Variants in RANGAP1 observed in about 807,000 individuals in gnomAD.
RANGAP1 encodes Ran GTPase activating protein 1, also known as ran GTPase-activating protein 1.
RANGAP1 carries 38 observed loss-of-function variants against 63.5 expected under a neutral mutation model. That is an observed-to-expected ratio of 0.60 (90% CI 0.46 to 0.78). The LOEUF (loss-of-function observed/expected upper bound fraction) is 0.78, where lower values mean the gene tolerates loss of function less well. Ranked by LOEUF, RANGAP1 falls within the 30% of genes least tolerant of loss-of-function variation. RANGAP1 has a pLI of 0.00. For synonymous variants in RANGAP1, 329 were observed against 310.5 expected, an observed-to-expected ratio of 1.06 and a Z score of -0.63; for missense variants, 630 against 740.3, an observed-to-expected ratio of 0.85 and a Z score of 1.73.
intron 15 of RANGAP1, 35 bp from the exon 16 acceptor site, chr22:41,246,707 G>A: frequency 1.3e-6 from 2 of 1,498,694 alleles, no homozygotes; most frequent in Non-Finnish European, 1.8e-6. Flanking sequence ...GTCGGTGGAT[G>A]CCTCTTGGCC....
At chr22:41,281,420 C>T in intron 1 of RANGAP1, 1 of 1,010,528 alleles carries the variant, frequency 9.9e-7, no homozygotes, top group South Asian at 4.1e-5. Flanking sequence ...AGTCAAGTCC[C>T]AAACCAAAGG....
In RANGAP1 at chr22:41,272,012, C is replaced by A. The variant is rs146377294; in HGVS notation, c.240+2588G>T. Among the ~76,000 whole-genome samples, 8 of 152,230 alleles carry A rather than the reference C, an allele frequency of 5.3e-5. No homozygotes were observed. In the South Asian group the frequency reaches 1.7e-3, roughly 31 times the overall value. On this transcript the variant is annotated intron_variant, in intron 3 of 15. Transcript: ENST00000356244. ...GCATGCAGCACTCCTACCGGCCAGG[C>A]TCTCCCAGGACAACCTCTGAGGAAG...
At position 41,257,911 on chromosome 22, in the gene RANGAP1, TG is replaced by T; in HGVS notation, c.774+36del. 1 of 1,561,314 alleles carries T rather than the reference TG, an allele frequency of 6.4e-7. No individual in the cohort carries two copies. The highest frequency in any genetic ancestry group is 8.7e-7 in the Non-Finnish European group (1 of 1,148,480). ...GGAAAGACAGCAGCCAGCCTCTATC[TG>T]GCGGGGCCCAACTGGCTCTGCCACA... On this transcript the variant is annotated intron_variant, in intron 7 of 15. Coordinates refer to ENST00000356244, the MANE Select transcript of RANGAP1 (RefSeq NM_002883.4). The surrounding 1 kb of genome is among the most constrained non-coding windows in gnomAD (Gnocchi z 4.0).
At chr22:41,278,314 C>A (rs2035280272) in intron 2 of RANGAP1, among the ~76,000 whole-genome samples, 1 of 152,204 alleles carries the variant, frequency 6.6e-6, no homozygotes, top group South Asian at 2.1e-4. Context: ...GCTGGGATTA[C>A]AGGCGTGAGC....
chr22:41,273,698 T>C (rs2034964560), intron 3 of RANGAP1, among the ~76,000 whole-genome samples: 1 of 122,968 alleles, frequency 8.1e-6, no homozygotes, highest in Non-Finnish European at 1.6e-5. Flanking sequence ...ACCTGGGAGG[T>C]GGAGGTTGCA....
intron 11 of RANGAP1, 141 bp from the exon 12 acceptor site, chr22:41,253,132 C>G (rs1029153798): frequency 9.9e-6 from 9 of 909,354 alleles, no homozygotes; most frequent in Middle Eastern, 3.8e-4. Context: ...TCCTCCCACT[C>G]AGCTGCATTT....
At chr22:41,294,251 G>A in the RANGAP1 span, among the ~76,000 whole-genome samples, 5 of 152,198 alleles carry the variant, frequency 3.3e-5, no homozygotes, top group Admixed American at 2.0e-4. Flanking sequence ...ACGGGGTTTC[G>A]CTGTGTTGGC....
the RANGAP1 span, among the ~76,000 whole-genome samples, chr22:41,299,994 G>A: frequency 2.0e-5 from 3 of 150,838 alleles, no homozygotes; most frequent in Non-Finnish European, 4.4e-5. Flanking sequence ...CTCATGATCC[G>A]CCCGCCTCAA....
chr22:41,282,251 A>C (rs2035532383), intron 1 of RANGAP1: 1 of 152,198 alleles, frequency 6.6e-6, no homozygotes, highest in Non-Finnish European at 1.5e-5. Flanking sequence ...GCAGTAAGCT[A>C]TGACTGCCAC....
intron 5 of RANGAP1, among the ~76,000 whole-genome samples, chr22:41,263,778 T>TG (rs1210611456): frequency 2.0e-5 from 3 of 152,212 alleles, no homozygotes; most frequent in Admixed American, 6.5e-5. Flanking sequence ...AGCCTGCCCC[T>TG]GCTCACCCTC....
chr22:41,256,621 C>T (rs897666375), intron 8 of RANGAP1, 90 bp downstream of exon 8: 39 of 1,138,652 alleles, frequency 3.4e-5, no homozygotes, highest in Non-Finnish European at 4.3e-5. Context: ...GGACACAGGC[C>T]CACCTGCCTT....
chr22:41,259,710 T>A (rs556616435), intron 6 of RANGAP1, among the ~76,000 whole-genome samples: 7 of 152,332 alleles, frequency 4.6e-5, no homozygotes, highest in Non-Finnish European at 8.8e-5. Flanking sequence ...TTTATTTTTT[T>A]AAAAATTTTA....
chr22:41,271,599 C>T (rs1254157460), intron 3 of RANGAP1, among the ~76,000 whole-genome samples: 2 of 150,618 alleles, frequency 1.3e-5, no homozygotes, highest in Admixed American at 6.7e-5. Flanking sequence ...GAGGCTGAGG[C>T]AGGAGAATGG....
chr22:41,271,416 G>A (rs564224502), intron 3 of RANGAP1, among the ~76,000 whole-genome samples: 21 of 139,454 alleles, frequency 1.5e-4, no homozygotes, highest in African/African-American at 5.4e-4. Context: ...AAACAAAAAC[G>A]CCGGGTGCAG....
chr22:41,260,628 A>G (rs1229339396), intron 6 of RANGAP1, among the ~76,000 whole-genome samples: 1 of 152,188 alleles, frequency 6.6e-6, no homozygotes, highest in Non-Finnish European at 1.5e-5. Flanking sequence ...CGGGCAGATC[A>G]CTTGAGGTCA....
chr22:41,289,597 T>C (rs1484623690), upstream of RANGAP1, among the ~76,000 whole-genome samples: 1 of 152,086 alleles, frequency 6.6e-6, no homozygotes, highest in African/African-American at 2.4e-5. Context: ...CACTCCAGCC[T>C]AGGCAACAAG....
rs190873866 is a variant in RANGAP1, at chr22:41,283,684, G to A, written c.-39+2302C>T. On this transcript the variant is annotated intron_variant, in intron 1 of 15. Transcript: ENST00000356244. Reference sequence around the variant, plus strand: ...ATGGCTCTTGTAGGGGCAGAGGGTTGGAGAAACTGCAACAGGGCCAGTGGG... The same window carrying A: ...ATGGCTCTTGTAGGGGCAGAGGGTTAGAGAAACTGCAACAGGGCCAGTGGG... Among the ~76,000 whole-genome samples, 194 of 152,290 alleles carry A rather than the reference G, an allele frequency of 1.3e-3. 1 individual carries two copies. Among genetic ancestry groups the A allele is most frequent in the Middle Eastern group, 6.8e-3 (2 of 294 alleles).
chr22:41,247,207 C>G (rs558409919), intron 15 of RANGAP1, among the ~76,000 whole-genome samples: 1 of 152,132 alleles, frequency 6.6e-6, no homozygotes, highest in African/African-American at 2.4e-5. Flanking sequence ...AGACGCCCAC[C>G]ACCATGCCCA....
intron 2 of RANGAP1, among the ~76,000 whole-genome samples, chr22:41,280,172 A>C (rs139531): frequency 6.6e-6 from 1 of 152,028 alleles, no homozygotes; most frequent in African/African-American, 2.4e-5. Context: ...AACATGCATC[A>C]GCACGCTCCC....
Sources: gnomAD v4.1 joint callset for allele counts (sites outside exome capture counted in the v4.1 genomes callset) on GRCh38, gnomAD v4.1.1 for gene constraint, Gnocchi (gnomAD v3.1) non-coding constraint, MANE v1.5 for transcripts, NCBI Gene and HGNC (gene_info 2026-07-23, HGNC 2026-07-21) for gene names.